Variants in ZNF426 observed in about 807,000 individuals in gnomAD.
The protein encoded by ZNF426 is CTC-543D15.7.
A neutral mutation model predicts 24.0 loss-of-function variants in ZNF426; 23 were observed. That is an observed-to-expected ratio of 0.96 (90% CI 0.69 to 1.36). ZNF426 has a LOEUF of 1.36. Among genes scored for constraint, ZNF426 ranks in the 40% most tolerant of loss-of-function variants. The probability of loss-of-function intolerance (pLI) is 0.00; values close to 1 mark genes in which losing one functional copy is unlikely to be tolerated. For missense variants in ZNF426, 646 were observed against 658.4 expected (o/e 0.98, Z 0.21); for synonymous variants, 272 against 224.6 (o/e 1.21, Z -1.89).
chr19:9,527,145 T>C lies in ZNF426; in HGVS notation c.*1235A>G, dbSNP rs191458437. On this transcript the variant is annotated 3_prime_UTR_variant, in exon 8 of 8. Transcript: ENST00000253115. The stretch of plus-strand genomic sequence containing the variant: ...ATTATCAGAATTCATGTACTTATTA[T>C]GGCATGTGAAATATTTAAAGGTTAT... 286 of 152,284 alleles carry C rather than the reference T, an allele frequency of 1.9e-3. 1 individual carries two copies. The highest frequency in any genetic ancestry group is 5.9e-3 in the African/African-American group (244 of 41,556). 9.4% of individuals were successfully genotyped at this position (152,284 alleles called of 1,614,324 possible).
At position 9,526,785 on chromosome 19, in the gene ZNF426, TTAAAAA is replaced by T; in HGVS notation, c.*1589_*1594del. 1 of 151,802 alleles carries T rather than the reference TTAAAAA, an allele frequency of 6.6e-6. No individual in the cohort carries two copies. 9.4% of individuals were successfully genotyped at this position (151,802 alleles called of 1,614,324 possible). On this transcript the variant is annotated 3_prime_UTR_variant, in exon 8 of 8. Coordinates refer to ENST00000253115, the MANE Select transcript of ZNF426 (RefSeq NM_024106.3). ...AAAAACCTATACCTAGGCATATCAT[TTAAAAA>T]TAACAGAATATCAAAGATAACAAAA...
chr19:9,535,728 G>C (rs2073955494), intron 3 of ZNF426, among the ~76,000 whole-genome samples: 1 of 151,992 alleles, frequency 6.6e-6, no homozygotes, highest in Non-Finnish European at 1.5e-5. Context: ...CAGGTACTTG[G>C]GAGGCAGAGG....
In ZNF426 at chr19:9,536,370, T is replaced by G; in HGVS notation, c.-124-14A>C. 1 of 1,569,036 alleles carries G rather than the reference T, an allele frequency of 6.4e-7. No individual in the cohort carries two copies. The highest frequency in any genetic ancestry group is 8.6e-7 in the Non-Finnish European group (1 of 1,156,708). ...TTATTGGGATTCCTGTTGGTATTAA[T>G]CAATAATCAACAAGCAGTACTTAAT... is the stretch of plus-strand genomic sequence containing the variant. On this transcript the variant is annotated splice_polypyrimidine_tract_variant and intron_variant, in intron 2 of 7. Transcript: ENST00000253115.
At chr19:9,536,416 C>A in intron 2 of ZNF426, 60 bp from the exon 3 acceptor site, 1 of 1,471,338 alleles carries the variant, frequency 6.8e-7, no homozygotes, top group South Asian at 1.3e-5. Flanking sequence ...CAAACATATA[C>A]ACCGGCTGGG....
In ZNF426 at chr19:9,526,195, C is replaced by T. The variant is rs2073790429; in HGVS notation, c.*2185G>A. ...ATCATGATTACTAGAGGCCTGCTTA[C>T]AGCATTTCCTCTTATCCAGTATGCC... is the stretch of plus-strand genomic sequence containing the variant. On this transcript the variant is annotated 3_prime_UTR_variant, in exon 8 of 8. Coordinates refer to ENST00000253115, the MANE Select transcript of ZNF426 (RefSeq NM_024106.3). 1 of 151,116 alleles carries T rather than the reference C, an allele frequency of 6.6e-6. No individual in the cohort carries two copies. Among genetic ancestry groups the T allele is most frequent in the Non-Finnish European group, 1.5e-5 (1 of 67,932 alleles). The allele number at this position is 151,116 out of a possible 1,614,324, so 9.4% of individuals were successfully genotyped here. A position where few individuals can be genotyped will look rare whatever the true frequency, so the allele number is the denominator to read the frequency against.
rs1439564233 is a variant in ZNF426 at position 9,523,938 on chromosome 19, T to C, written c.*4442A>G. 3 of 152,232 alleles carry C rather than the reference T, an allele frequency of 2.0e-5. No individual in the cohort carries two copies. Among genetic ancestry groups the C allele is most frequent in the Non-Finnish European group, 2.9e-5 (2 of 68,044 alleles). 9.4% of individuals were successfully genotyped at this position (152,232 alleles called of 1,614,324 possible). A position where few individuals can be genotyped will look rare whatever the true frequency, so the allele number is the denominator to read the frequency against. On this transcript the variant is annotated 3_prime_UTR_variant, in exon 8 of 8. Transcript: ENST00000253115. ...CTGACCTAGGCCATTCCACTTATTA[T>C]AGTCATCAAGTTATTCTCCAGCATA...
chr19:9,534,411 T>C (rs2073934059), intron 4 of ZNF426, among the ~76,000 whole-genome samples: 1 of 151,866 alleles, frequency 6.6e-6, no homozygotes, highest in South Asian at 2.1e-4. Context: ...TTCAGCATAC[T>C]GGCTAGGTTG....
Position 9,531,008 on chromosome 19 carries a change from G to A in ZNF426, c.385C>T (p.Gln129Ter). 1 of 1,613,776 alleles carries A rather than the reference G, an allele frequency of 6.2e-7. No homozygotes were observed. The highest frequency in any genetic ancestry group is 1.1e-5 in the South Asian group (1 of 91,078). Residue 129 changes from glutamine (Q) to a stop codon, truncating the protein, a stop_gained, in exon 7 of 8, where the codon CAG becomes TAG. Coordinates refer to ENST00000253115, the MANE Select transcript of ZNF426 (RefSeq NM_024106.3). LOFTEE classifies it low-confidence loss of function (END_TRUNC). ...SILQQDFLRG[Q>*]TSIGIQLEGK... ...ACCAATTGTATCCCAATGGATGTCTGACCCCTCAAAAAGTCCTGCTGAAGT... is the reference window on the plus strand; with the variant it reads ...ACCAATTGTATCCCAATGGATGTCTAACCCCTCAAAAAGTCCTGCTGAAGT...
At chr19:9,535,383 C>T (rs909835333) in intron 3 of ZNF426, 104 bp from the exon 4 acceptor site, 1 of 777,818 alleles carries the variant, frequency 1.3e-6, no homozygotes, top group Non-Finnish European at 2.1e-6. Context: ...TATATTCCTG[C>T]AAAATCAGGA....
intron 4 of ZNF426, 30 bp from the exon 5 acceptor site, chr19:9,533,996 C>G (rs2073927416): frequency 6.2e-7 from 1 of 1,606,726 alleles, no homozygotes; most frequent in South Asian, 1.1e-5. Context: ...CTGGTTGGAG[C>G]CAAGTAACAA....
chr19:9,535,506 G>C (rs117941157), intron 3 of ZNF426, among the ~76,000 whole-genome samples: 2 of 151,906 alleles, frequency 1.3e-5, no homozygotes, highest in African/African-American at 2.4e-5. Context: ...TGGGCAACAC[G>C]GTGAGACCCC....
intron 4 of ZNF426, among the ~76,000 whole-genome samples, chr19:9,534,295 T>C (rs1316699655): frequency 6.6e-6 from 1 of 151,994 alleles, no homozygotes; most frequent in Non-Finnish European, 1.5e-5. Flanking sequence ...AACCTCCACC[T>C]CCCAGGTTCA....
Position 9,527,547 on chromosome 19 carries a change from T to C in ZNF426, c.*833A>G, listed in dbSNP as rs4804111. On this transcript the variant is annotated 3_prime_UTR_variant, in exon 8 of 8. Transcript: ENST00000253115. ...TTACATTCATACAATTTCTCTCCTA[T>C]GTGATTTCTCCTGTATGTAGAAAGG... 103,015 of 152,082 alleles carry C rather than the reference T, an allele frequency of 0.68. 35,783 individuals carry two copies. Among genetic ancestry groups the C allele is most frequent in the African/African-American group, 0.82 (34,121 of 41,490 alleles). The allele number at this position is 152,082 out of a possible 1,614,324, so 9.4% of individuals were successfully genotyped here. A position where few individuals can be genotyped will look rare whatever the true frequency, so the allele number is the denominator to read the frequency against.
intron 2 of ZNF426, 183 bp from the exon 3 acceptor site, chr19:9,536,539 G>A (rs2073968485): frequency 4.2e-5 from 16 of 378,546 alleles, no homozygotes; most frequent in South Asian, 1.5e-4. Context: ...TATCTCTAAA[G>A]AAACAAAAAT....
Position 9,528,394 on chromosome 19 carries a change from C to G in ZNF426, c.1651G>C (p.Glu551Gln), listed in dbSNP as rs942322665. The G allele has an allele frequency of 6.3e-7, 1 of 1,576,904 alleles. No homozygotes were observed. Among genetic ancestry groups the G allele is most frequent in the Non-Finnish European group, 8.6e-7 (1 of 1,163,862 alleles). The change falls in exon 8 of 8, where the codon GAA becomes CAA. Residue 551 changes from glutamate (E) to glutamine (Q), a missense_variant. Transcript: ENST00000253115. ...YSHPRSLRRH[E>Q]QIH ...ACAGTTTCTCACTAGTGAATTTGTT[C>G]ATGTCTTCGAAGTGAACGGGGATGA...
intron 6 of ZNF426, among the ~76,000 whole-genome samples, chr19:9,532,157 C>T (rs66875369): frequency 0.17 from 26,288 of 151,460 alleles, 3,614 homozygotes; most frequent in African/African-American, 0.38. Context: ...AGTGTAGATA[C>T]ATTGGACAAA....
chr19:9,523,676 C>T lies in ZNF426; in HGVS notation c.*4704G>A, dbSNP rs2073764223. The T allele has an allele frequency of 1.3e-5, 2 of 152,232 alleles. No homozygotes were observed. Among genetic ancestry groups the T allele is most frequent in the Admixed American group, 1.3e-4 (2 of 15,280 alleles). The allele number at this position is 152,232 out of a possible 1,614,324, so 9.4% of individuals were successfully genotyped here. A position where few individuals can be genotyped will look rare whatever the true frequency, so the allele number is the denominator to read the frequency against. On this transcript the variant is annotated 3_prime_UTR_variant, in exon 8 of 8. Transcript: ENST00000253115. Reference sequence around the variant, plus strand: ...ACTGGAGTTGGGGATTAAACTGTTCCAGTTCAGATCATCAGGCATTAGATT... The same window carrying T: ...ACTGGAGTTGGGGATTAAACTGTTCTAGTTCAGATCATCAGGCATTAGATT...
In ZNF426 at chr19:9,532,764, A is replaced by G. The variant is rs938679692; in HGVS notation, c.325+81T>C. ...GGGGTTTAGAGTGCAGGGAGAAAGTACATGTTAAAAAGTTTCCTAATTATG... is the reference window on the plus strand; with the variant it reads ...GGGGTTTAGAGTGCAGGGAGAAAGTGCATGTTAAAAAGTTTCCTAATTATG... On this transcript the variant is annotated intron_variant, in intron 6 of 7. Coordinates refer to ENST00000253115, the MANE Select transcript of ZNF426 (RefSeq NM_024106.3). The G allele has an allele frequency of 3.0e-5, 30 of 1,014,132 alleles. No homozygotes were observed. In the African/African-American group the frequency reaches 4.8e-4, roughly 16 times the overall value. The allele number at this position is 1,014,132 out of a possible 1,614,324, so 62.8% of individuals were successfully genotyped here.
At chr19:9,537,452 T>C (rs1423288234) in intron 2 of ZNF426, among the ~76,000 whole-genome samples, 1 of 30,942 alleles carries the variant, frequency 3.2e-5, no homozygotes, top group Admixed American at 3.3e-4. Context: ...TATTTAACTC[T>C]TTTTTTTTTT....
Sources: allele counts gnomAD v4.1 joint callset (sites outside exome capture counted in the v4.1 genomes callset), GRCh38; gene constraint gnomAD v4.1.1; transcripts MANE v1.5; gene names NCBI Gene and HGNC (gene_info 2026-07-23, HGNC 2026-07-21).